The following TMC6 variants were observed in gnomAD, a reference collection of about 807,000 sequenced individuals.
TMC6 encodes the protein transmembrane channel like 6, also known as transmembrane channel-like protein 6.
TMC6 carries 71 observed loss-of-function variants against 95.4 expected under a neutral mutation model. That is an observed-to-expected ratio of 0.74 (90% CI 0.61 to 0.91). The LOEUF is 0.91. Among genes scored for constraint, TMC6 ranks in the 40% least tolerant of loss-of-function variants. The probability of loss-of-function intolerance (pLI) is 0.00; values close to 1 mark genes in which losing one functional copy is unlikely to be tolerated. For missense variants in TMC6, 1,074 were observed against 1,079.1 expected (o/e 1.00, Z 0.07); for synonymous variants, 514 against 483.1 (o/e 1.06, Z -0.84).
At chr17:78,115,665 AGGGAGTGG>A (rs1300282339) in intron 18 of TMC6, among the ~76,000 whole-genome samples, 1 of 131,386 alleles carries the variant, frequency 7.6e-6, no homozygotes, top group African/African-American at 3.0e-5. Flanking sequence ...ACAGGGGCGA[AGGGAGTGG>A]GCACAGGGGC....
At chr17:78,127,525 C>T (rs2074784034) in intron 1 of TMC6, among the ~76,000 whole-genome samples, 2 of 152,174 alleles carry the variant, frequency 1.3e-5, no homozygotes, top group South Asian at 4.1e-4. Context: ...CTGGGGGTGG[C>T]CAGGACCTCA....
intron 16 of TMC6, 46 bp downstream of exon 16, chr17:78,117,756 A>AC (rs777036970): frequency 1.3e-6 from 2 of 1,588,604 alleles, no homozygotes; most frequent in South Asian, 2.3e-5. Flanking sequence ...CCACCACCCA[A>AC]CCCCCAGATG....
Position 78,124,945 on chromosome 17 carries a change from G to T in TMC6, c.577C>A (p.Pro193Thr), listed in dbSNP as rs780226106. Residue 193 changes from proline (P) to threonine (T), a missense_variant, in exon 7 of 20, where the codon CCG becomes ACG. Transcript: ENST00000590602. ...CAGGAGCAGACCCCGCCGCTGCCCG[G>T]CTGGCCCCTCCACTTCCCCCTCGGG... ...RTPRGKWRGQ[P>T]GSGGVCSCCG... is the part of the protein sequence containing the mutation. 2 of 1,600,092 alleles carry T rather than the reference G, an allele frequency of 1.2e-6. No individual in the cohort carries two copies. Among genetic ancestry groups the T allele is most frequent in the Non-Finnish European group, 8.5e-7 (1 of 1,175,678 alleles).
rs143475411 is a variant in TMC6 at position 78,112,367 on chromosome 17, T to C, written c.*781A>G. 155 of 194,294 alleles carry C rather than the reference T, an allele frequency of 8.0e-4. No individual in the cohort carries two copies. The highest frequency in any genetic ancestry group is 3.4e-3 in the African/African-American group (143 of 41,870). 12.0% of individuals were successfully genotyped at this position (194,294 alleles called of 1,614,324 possible). ...TGACGGGCTGGTCCCCGAATCCCTG[T>C]GCCCACCCCCCACAGCCTACGGTTT... On this transcript the variant is annotated 3_prime_UTR_variant, in exon 20 of 20. Transcript: ENST00000590602.
chr17:78,107,952 C>T lies in TMC6; in HGVS notation c.*5196G>A, dbSNP rs943398327. ...GCTAACTTTCACCAAGCACTTTGAG[C>T]ACAGTGGAACTTCAGAAGCACAACC... On this transcript the variant is annotated 3_prime_UTR_variant, in exon 20 of 20. Coordinates refer to ENST00000590602, the MANE Select transcript of TMC6 (RefSeq NM_001127198.5). 6.6e-5 allele frequency: 10 copies of T among 152,360 alleles called. No individual in the cohort carries two copies. The highest frequency in any genetic ancestry group is 4.6e-4 in the Admixed American group (7 of 15,300). 9.4% of individuals were successfully genotyped at this position (152,360 alleles called of 1,614,324 possible).
upstream of TMC6, chr17:78,128,787 G>A (rs1354170926): frequency 1.3e-5 from 1 of 79,990 alleles, no homozygotes; most frequent in Non-Finnish European, 2.5e-5. This position sits in a 1 kb window ranked among gnomAD's most constrained non-coding sequence, Gnocchi z 4.0. Context: ...GCACCTCCCG[G>A]CCCACGTGGG....
In TMC6 at chr17:78,107,673, A is replaced by C. The variant is rs763563020; in HGVS notation, c.*5475T>G. 2 of 152,136 alleles carry C rather than the reference A, an allele frequency of 1.3e-5. No homozygotes were observed. Among genetic ancestry groups the C allele is most frequent in the Non-Finnish European group, 2.9e-5 (2 of 68,020 alleles). 9.4% of individuals were successfully genotyped at this position (152,136 alleles called of 1,614,324 possible). On this transcript the variant is annotated 3_prime_UTR_variant, in exon 20 of 20. Transcript: ENST00000590602. ...TGCTGTAAATATTGAAATCTTAATC[A>C]TCATCGAGAGGCACAGCCAAGCTTT...
At position 78,122,792 on chromosome 17, in the gene TMC6, G is replaced by C. The variant is rs747098680; in HGVS notation, c.1083-43C>G. The stretch of plus-strand genomic sequence containing the variant: ...CAGACATGGCAACCAACAAGCTGAC[G>C]GGCAGAGGCCAAGGGGAGAAGGCAG... On this transcript the variant is annotated intron_variant, in intron 9 of 19. Coordinates refer to ENST00000590602, the MANE Select transcript of TMC6 (RefSeq NM_001127198.5). This position sits in a 1 kb window ranked among gnomAD's most constrained non-coding sequence, Gnocchi z 4.9. 2.5e-6 allele frequency: 4 copies of C among 1,596,110 alleles called. No individual in the cohort carries two copies. The highest frequency in any genetic ancestry group is 3.4e-6 in the Non-Finnish European group (4 of 1,174,568).
At position 78,123,904 on chromosome 17, in the gene TMC6, A is replaced by T; in HGVS notation, c.1082+85T>A. On this transcript the variant is annotated intron_variant, in intron 9 of 19. Coordinates refer to ENST00000590602, the MANE Select transcript of TMC6 (RefSeq NM_001127198.5). ...GTAGATGGACAGAAGGAAGAAAGGA[A>T]GAGGGAAGAATCAATGAATGGGTCG... The T allele has an allele frequency of 1.9e-6, 3 of 1,542,392 alleles. No homozygotes were observed. The South Asian group carries it at 3.4e-5, about 17-fold the overall frequency.
chr17:78,130,959 G>A (rs1177355120), upstream of TMC6: 1 of 167,954 alleles, frequency 6.0e-6, no homozygotes, highest in Non-Finnish European at 1.3e-5. Flanking sequence ...CCCCACGGCT[G>A]GGGCTGTAGC....
At chr17:78,131,829 C>T (rs2074987250), upstream of TMC6, 1 of 1,405,298 alleles carries the variant, frequency 7.1e-7, no homozygotes. Context: ...CTGCTTGGCC[C>T]GGGTGGGCAG....
chr17:78,127,276 A>T (rs1465221874), intron 1 of TMC6, among the ~76,000 whole-genome samples: 2 of 152,070 alleles, frequency 1.3e-5, no homozygotes, highest in Non-Finnish European at 2.9e-5. Flanking sequence ...CTTTTTGGAG[A>T]GAAAGGTCAG....
At chr17:78,129,988 G>A (rs2074917232), upstream of TMC6, among the ~76,000 whole-genome samples, 1 of 152,210 alleles carries the variant, frequency 6.6e-6, no homozygotes, top group South Asian at 2.1e-4. The surrounding 1 kb of genome is among the most constrained non-coding windows in gnomAD (Gnocchi z 4.3). Context: ...AACCAGGAAG[G>A]AGGTGGGCAG....
intron 12 of TMC6, 55 bp from the exon 13 acceptor site, chr17:78,120,887 A>G (rs1598850866): frequency 2.5e-6 from 4 of 1,610,490 alleles, no homozygotes; most frequent in Non-Finnish European, 2.5e-6. Context: ...CAGAAGATGC[A>G]CCCCAGGGCC....
chr17:78,131,229 T>C (rs2074956047), upstream of TMC6: 2 of 399,704 alleles, frequency 5.0e-6, no homozygotes, highest in Non-Finnish European at 9.3e-6. Flanking sequence ...TTTCTTTGCC[T>C]GTGCCGGTCC....
intron 9 of TMC6, among the ~76,000 whole-genome samples, chr17:78,123,467 ATGAG>A (rs530082750): frequency 1.1e-3 from 162 of 147,858 alleles, no homozygotes; most frequent in Non-Finnish European, 1.8e-3. Flanking sequence ...GCGTGGATGA[ATGAG>A]TGGGTGGATG....
intron 18 of TMC6, among the ~76,000 whole-genome samples, chr17:78,114,791 C>G (rs926107500): frequency 6.6e-6 from 1 of 152,194 alleles, no homozygotes; most frequent in African/African-American, 2.4e-5. Context: ...TGCACTTGAG[C>G]CATGCCGACC....
At chr17:78,114,454 A>G (rs1228281640) in intron 18 of TMC6, among the ~76,000 whole-genome samples, 7 of 152,120 alleles carry the variant, frequency 4.6e-5, no homozygotes, top group Non-Finnish European at 1.5e-5. Flanking sequence ...ATCCAGTCTT[A>G]GGACGGGGAC....
intron 18 of TMC6, among the ~76,000 whole-genome samples, chr17:78,115,709 G>A (rs2074062680): frequency 4.9e-5 from 1 of 20,524 alleles, no homozygotes; most frequent in Non-Finnish European, 9.9e-5. Flanking sequence ...AGGGGCGAAG[G>A]GAGTGGGCAC....
Sources: gnomAD v4.1 joint callset for allele counts (sites outside exome capture counted in the v4.1 genomes callset) on GRCh38, gnomAD v4.1.1 for gene constraint, Gnocchi (gnomAD v3.1) non-coding constraint, MANE v1.5 for transcripts, NCBI Gene and HGNC (gene_info 2026-07-23, HGNC 2026-07-21) for gene names.